Variants in CPHXL observed in about 807,000 individuals in gnomAD.
CPHXL encodes cytoplasmic polyadenylated homeobox like.
At chr16:75,722,124 G>T (rs1287759722) in intron 1 of CPHXL, among the ~76,000 whole-genome samples, 5 of 152,078 alleles carry the variant, frequency 3.3e-5, no homozygotes, top group East Asian at 3.9e-4. Context: ...GGGAAATTTA[G>T]AGCACTAAAT....
intron 1 of CPHXL, among the ~76,000 whole-genome samples, chr16:75,721,238 AT>A (rs1959472910): frequency 6.6e-6 from 1 of 152,200 alleles, no homozygotes; most frequent in East Asian, 1.9e-4. Flanking sequence ...ACAGGATCAA[AT>A]TCACACATAA....
intron 1 of CPHXL, among the ~76,000 whole-genome samples, chr16:75,725,321 C>G (rs1959539836): frequency 6.6e-6 from 1 of 152,100 alleles, no homozygotes. Context: ...GACAGTCTCC[C>G]TCTGTCGCCT....
At chr16:75,715,392 G>C (rs1468213836) in intron 2 of CPHXL, among the ~76,000 whole-genome samples, 170 bp from the exon 3 acceptor site, 1 of 152,124 alleles carries the variant, frequency 6.6e-6, no homozygotes, top group Non-Finnish European at 1.5e-5. Context: ...TGTCCTAGAG[G>C]TACATGTGAT....
At chr16:75,716,196 T>C (rs1959388697) in intron 2 of CPHXL, among the ~76,000 whole-genome samples, 1 of 152,202 alleles carries the variant, frequency 6.6e-6, no homozygotes, top group African/African-American at 2.4e-5. Context: ...AATGTGTTTT[T>C]CCACACACCA....
At chr16:75,718,956 G>A (rs74794125) in intron 1 of CPHXL, among the ~76,000 whole-genome samples, 2,148 of 152,258 alleles carry the variant, frequency 0.014, 62 homozygotes, top group African/African-American at 0.048. Flanking sequence ...GAATGGAATC[G>A]GGAGCCTGAA....
At chr16:75,721,200 G>A (rs959859588) in intron 1 of CPHXL, among the ~76,000 whole-genome samples, 5 of 151,906 alleles carry the variant, frequency 3.3e-5, no homozygotes, top group East Asian at 1.9e-4. Context: ...TGAACTAAGG[G>A]GCAAAATAAC....
chr16:75,719,772 C>T (rs1269582031), intron 1 of CPHXL, among the ~76,000 whole-genome samples: 5 of 152,288 alleles, frequency 3.3e-5, no homozygotes, highest in African/African-American at 1.2e-4. Flanking sequence ...TCCCAGCACG[C>T]AGCTGGAGAT....
At chr16:75,724,556 A>C (rs1045741625) in intron 1 of CPHXL, among the ~76,000 whole-genome samples, 50 of 152,392 alleles carry the variant, frequency 3.3e-4, no homozygotes, top group Non-Finnish European at 6.0e-4. Flanking sequence ...AGAGAAATGC[A>C]AATCAAAACC....
intron 1 of CPHXL, among the ~76,000 whole-genome samples, chr16:75,720,478 C>T (rs1041444354): frequency 1.3e-4 from 20 of 152,050 alleles, no homozygotes; most frequent in African/African-American, 4.8e-5. Flanking sequence ...GTAGCCGATT[C>T]GATCAACTGG....
At chr16:75,722,645 G>A (rs1485272268) in intron 1 of CPHXL, among the ~76,000 whole-genome samples, 1 of 152,172 alleles carries the variant, frequency 6.6e-6, no homozygotes, top group Admixed American at 6.5e-5. Flanking sequence ...AGGACCAGAC[G>A]GATTCACAGC....
intron 1 of CPHXL, among the ~76,000 whole-genome samples, chr16:75,723,656 C>G (rs1299558692): frequency 7.9e-5 from 12 of 152,118 alleles, no homozygotes; most frequent in East Asian, 1.9e-4. Context: ...GAATCAATAT[C>G]ATAAAAATGG....
At position 75,718,248 on chromosome 16, in the gene CPHXL, T is replaced by C. The variant is rs1190905035; in HGVS notation, c.219+17A>G. ...AAAAAAAATCTAGGAAATATACATATGAGGTCTTGAACTTACATCTATCAC... is the reference window on the plus strand; with the variant it reads ...AAAAAAAATCTAGGAAATATACATACGAGGTCTTGAACTTACATCTATCAC... On this transcript the variant is annotated intron_variant, in intron 2 of 2. Transcript: ENST00000640559. 4 of 398,490 alleles carry C rather than the reference T, an allele frequency of 1.0e-5. No homozygotes were observed. Among genetic ancestry groups the C allele is most frequent in the South Asian group, 2.5e-4 (2 of 7,870 alleles). The allele number at this position is 398,490 out of a possible 1,614,324, so 24.7% of individuals were successfully genotyped here.
chr16:75,722,160 C>G (rs1035016149), intron 1 of CPHXL, among the ~76,000 whole-genome samples: 3 of 152,192 alleles, frequency 2.0e-5, no homozygotes, highest in African/African-American at 7.2e-5. Context: ...CAGGAAAGAT[C>G]TAAAATTGAC....
chr16:75,720,200 C>T (rs1959455208), intron 1 of CPHXL, among the ~76,000 whole-genome samples: 1 of 152,202 alleles, frequency 6.6e-6, no homozygotes, highest in African/African-American at 2.4e-5. Context: ...GAGTGCCTCT[C>T]CTCCTCCAAA....
chr16:75,726,484 A>G lies in CPHXL; in HGVS notation c.-42T>C, dbSNP rs1468447410. On this transcript the variant is annotated 5_prime_UTR_variant, in exon 1 of 3. Transcript: ENST00000640559. ...TGGACTTCACGGAGACCAGCAAGCA[A>G]CTGAGATCAGCAAGCAACTGAGCAG... 1.0e-5 allele frequency: 4 copies of G among 398,374 alleles called. No homozygotes were observed. The highest frequency in any genetic ancestry group is 2.1e-5 in the African/African-American group (1 of 48,594). The allele number at this position is 398,374 out of a possible 1,614,324, so 24.7% of individuals were successfully genotyped here.
intron 1 of CPHXL, among the ~76,000 whole-genome samples, chr16:75,721,629 C>G (rs1959478244): frequency 6.6e-6 from 1 of 152,160 alleles, no homozygotes; most frequent in Non-Finnish European, 1.5e-5. Flanking sequence ...TACAAAGAGA[C>G]TTAGACTCCC....
chr16:75,717,348 T>C (rs189911526), intron 2 of CPHXL, among the ~76,000 whole-genome samples: 7 of 152,334 alleles, frequency 4.6e-5, no homozygotes, highest in Non-Finnish European at 1.0e-4. Flanking sequence ...ATTCTTTACA[T>C]TTTTCATATT....
At chr16:75,723,890 G>A (rs113485340) in intron 1 of CPHXL, among the ~76,000 whole-genome samples, 4 of 152,028 alleles carry the variant, frequency 2.6e-5, no homozygotes, top group Non-Finnish European at 4.4e-5. Context: ...CATGGTACTG[G>A]TACCAAAACA....
chr16:75,718,211 C>A, intron 2 of CPHXL, 54 bp downstream of exon 2: 1 of 397,106 alleles, frequency 2.5e-6, no homozygotes, highest in South Asian at 1.3e-4. Flanking sequence ...GGAGTGAGAC[C>A]TTGTCTAAAA....
Sources: gnomAD v4.1 joint callset for allele counts (sites outside exome capture counted in the v4.1 genomes callset) on GRCh38, gnomAD v4.1.1 for gene constraint, MANE v1.5 for transcripts, NCBI Gene and HGNC (gene_info 2026-07-23, HGNC 2026-07-21) for gene names.